Variants in PHLPP2 observed in about 807,000 individuals in gnomAD.
The protein encoded by PHLPP2 is PH domain leucine-rich repeat-containing protein phosphatase 2.
Under a neutral mutation model 124.9 loss-of-function variants are expected in PHLPP2, and 66 were observed. The ratio of observed to expected loss-of-function variants is 0.53; its 90% CI spans 0.43 to 0.65. PHLPP2 has a LOEUF of 0.65. Among genes scored for constraint, PHLPP2 ranks in the 30% least tolerant of loss-of-function variants. The pLI is 0.00. For synonymous variants in PHLPP2, 681 were observed against 624.7 expected, an observed-to-expected ratio of 1.09 and a Z score of -1.34; for missense variants, 1,685 against 1,600.4, an observed-to-expected ratio of 1.05 and a Z score of -0.90.
chr16:71,658,712 C>A lies in PHLPP2; in HGVS notation c.2089G>T (p.Val697Phe), dbSNP rs2044762512. ...IANCKRLHTLVAHSNNISIFP... is the reference protein window; with the variant it reads ...IANCKRLHTLFAHSNNISIFP... ...ATGCTGATGTTGTTGGAGTGTGCAA[C>A]AAGGGTGTGCAGCCTTTTACAGTTT... Residue 697 changes from valine (V) to phenylalanine (F), a missense_variant, in exon 14 of 19, where the codon GTT (valine) becomes TTT (phenylalanine). Physicochemically the swap from Val to Phe is conservative, Grantham distance 50. Transcript: ENST00000568954. The A allele has an allele frequency of 6.2e-7, 1 of 1,614,038 alleles. No homozygotes were observed. The highest frequency in any genetic ancestry group is 8.5e-7 in the Non-Finnish European group (1 of 1,180,030).
intron 5 of PHLPP2, among the ~76,000 whole-genome samples, chr16:71,683,813 G>A (rs997140138): frequency 2.0e-5 from 3 of 151,220 alleles, no homozygotes; most frequent in Non-Finnish European, 2.9e-5. Context: ...TTTTTCAGAC[G>A]GACTTTTGCT....
intron 2 of PHLPP2, among the ~76,000 whole-genome samples, chr16:71,713,828 T>G (rs1326507625): frequency 6.6e-6 from 1 of 151,700 alleles, no homozygotes; most frequent in Non-Finnish European, 1.5e-5. Context: ...TGGTAATAAC[T>G]ATCAAGAACA....
chr16:71,702,805 T>TTATTTG (rs1362157708), intron 2 of PHLPP2, 74 bp from the exon 3 acceptor site: 15 of 1,034,094 alleles, frequency 1.5e-5, no homozygotes, highest in African/African-American at 8.1e-5. Context: ...TTTAGTATTT[T>TTATTTG]TATTTGTATA....
At chr16:71,677,679 T>A (rs2044960414) in intron 8 of PHLPP2, 1 of 151,410 alleles carries the variant, frequency 6.6e-6, no homozygotes. Flanking sequence ...ATCAATGGCT[T>A]ACTGTAAATA....
rs747807987 is a variant in PHLPP2, at chr16:71,658,646, G to C, written c.2148+7C>G. 10 of 1,612,918 alleles carry C rather than the reference G, an allele frequency of 6.2e-6. No homozygotes were observed. The highest frequency in any genetic ancestry group is 5.5e-5 in the South Asian group (5 of 90,936). On this transcript the variant is annotated splice_region_variant and intron_variant, in intron 14 of 18. Coordinates refer to ENST00000568954, the MANE Select transcript of PHLPP2 (RefSeq NM_015020.3). ...AATAAGGACATCATTCCAGCACACA[G>C]AAGTACCTGGATCTGAGGCAACTGC...
intron 3 of PHLPP2, among the ~76,000 whole-genome samples, chr16:71,692,260 G>A (rs1292235817): frequency 1.3e-5 from 2 of 152,144 alleles, no homozygotes; most frequent in East Asian, 1.9e-4. Context: ...TAGTAGAGAC[G>A]GGGTTTCACT....
chr16:71,695,936 A>G (rs1227778551), intron 3 of PHLPP2, among the ~76,000 whole-genome samples: 3 of 152,178 alleles, frequency 2.0e-5, no homozygotes, highest in African/African-American at 7.2e-5. Context: ...GGTTATCTAT[A>G]GAGCAGTTAA....
At chr16:71,667,407 T>C (rs2044849095) in intron 11 of PHLPP2, 74 bp from the exon 12 acceptor site, 3 of 1,167,396 alleles carry the variant, frequency 2.6e-6, no homozygotes, top group African/African-American at 1.5e-5. Flanking sequence ...TCCTAGCCTA[T>C]TTAACTGAAA....
At chr16:71,720,983 T>C (rs2045394893) in intron 1 of PHLPP2, among the ~76,000 whole-genome samples, 1 of 152,052 alleles carries the variant, frequency 6.6e-6, no homozygotes, top group Non-Finnish European at 1.5e-5. Context: ...TATTAAATAT[T>C]GTGAAAGCGG....
At chr16:71,654,750 A>G (rs2044727838) in intron 17 of PHLPP2, among the ~76,000 whole-genome samples, 1 of 152,242 alleles carries the variant, frequency 6.6e-6, no homozygotes, top group Non-Finnish European at 1.5e-5. Context: ...ATCAGGGTGT[A>G]ACCCTATTCT....
Position 71,724,451 on chromosome 16 carries a change from C to T in PHLPP2, c.-129G>A, listed in dbSNP as rs1484771015. The stretch of plus-strand genomic sequence containing the variant: ...CATGTTTTAATTCCCTTGCCTCCTC[C>T]TGGAGCAAAATTATCAGAATTCGGT... On this transcript the variant is annotated 5_prime_UTR_variant, in exon 1 of 19. Transcript: ENST00000568954. 6.6e-6 allele frequency: 1 copy of T among 152,256 alleles called. No homozygotes were observed. The highest frequency in any genetic ancestry group is 2.4e-5 in the African/African-American group (1 of 41,446). 9.4% of individuals were successfully genotyped at this position (152,256 alleles called of 1,614,324 possible).
At chr16:71,723,703 G>T in intron 1 of PHLPP2, 1 of 758,450 alleles carries the variant, frequency 1.3e-6, no homozygotes, top group African/African-American at 1.9e-5. Flanking sequence ...AGCCTCCCTC[G>T]TTCCCTCCCT....
intron 5 of PHLPP2, among the ~76,000 whole-genome samples, chr16:71,682,383 A>T (rs1010766340): frequency 3.9e-5 from 6 of 152,022 alleles, no homozygotes; most frequent in African/African-American, 1.4e-4. Flanking sequence ...GGGTTTCACC[A>T]TGTTGGCCAG....
At chr16:71,657,004 G>A (rs554745384) in intron 15 of PHLPP2, among the ~76,000 whole-genome samples, 6 of 151,900 alleles carry the variant, frequency 3.9e-5, no homozygotes, top group Admixed American at 2.0e-4. Flanking sequence ...GTGCAGTGGC[G>A]CAATCTCGGC....
At chr16:71,688,952 C>T (rs1305780030) in intron 4 of PHLPP2, among the ~76,000 whole-genome samples, 2 of 152,170 alleles carry the variant, frequency 1.3e-5, no homozygotes, top group Non-Finnish European at 2.9e-5. Flanking sequence ...AGAAATAAGC[C>T]TTGGTTTCAG....
At chr16:71,720,933 C>T (rs1021269949) in intron 1 of PHLPP2, among the ~76,000 whole-genome samples, 10 of 151,192 alleles carry the variant, frequency 6.6e-5, no homozygotes, top group African/African-American at 2.4e-4. Context: ...GCATTCAAAA[C>T]TTTAAAACAA....
chr16:71,677,453 C>CATATATATATATATATAT (rs9302629), intron 8 of PHLPP2: 4 of 133,778 alleles, frequency 3.0e-5, no homozygotes, highest in African/African-American at 8.6e-5. Flanking sequence ...ATAATCTGCA[C>CATATATATATATATATAT]ATATATATAT....
At chr16:71,702,358 A>G (rs991927200) in intron 3 of PHLPP2, among the ~76,000 whole-genome samples, 1 of 152,244 alleles carries the variant, frequency 6.6e-6, no homozygotes, top group African/African-American at 2.4e-5. Flanking sequence ...AAATAATGCT[A>G]GTAAGTTAGC....
Position 71,663,921 on chromosome 16 carries a change from G to A in PHLPP2, c.1963C>T (p.Gln655Ter), listed in dbSNP as rs2044815630. 6.2e-7 allele frequency: 1 copy of A among 1,613,726 alleles called. No individual in the cohort carries two copies. Among genetic ancestry groups the A allele is most frequent in the Middle Eastern group, 1.7e-4 (1 of 6,060 alleles). The change falls in exon 13 of 19, where the codon CAG becomes TAG. Residue 655 changes from glutamine (Q) to a stop codon, truncating the protein, a stop_gained. Coordinates refer to ENST00000568954, the MANE Select transcript of PHLPP2 (RefSeq NM_015020.3). LOFTEE classifies it high-confidence loss of function. ...HLRILHLANN[Q>*]LQTFPASKLN... Reference sequence around the variant, plus strand: ...TACCTTGCAGGAAAGGTCTGTAACTGATTGTTTGCAAGGTGCAAGATTCGC... The same window carrying A: ...TACCTTGCAGGAAAGGTCTGTAACTAATTGTTTGCAAGGTGCAAGATTCGC...
Sources: gnomAD v4.1 joint callset for allele counts (sites outside exome capture counted in the v4.1 genomes callset) on GRCh38, gnomAD v4.1.1 for gene constraint, MANE v1.5 for transcripts, NCBI Gene and HGNC (gene_info 2026-07-23, HGNC 2026-07-21) for gene names.